The following ABCA13 variants were observed in gnomAD, a reference collection of about 807,000 sequenced individuals.
ABCA13 encodes ATP-binding cassette sub-family A member 13.
ABCA13 carries 476 observed loss-of-function variants against 478.7 expected under a neutral mutation model. That is an observed-to-expected ratio of 0.99 (90% confidence interval 0.92 to 1.07). The LOEUF (loss-of-function observed/expected upper bound fraction) is 1.07, where lower values mean the gene tolerates loss of function less well. Ranked by LOEUF, ABCA13 falls within the 50% of genes least tolerant of loss-of-function variation. ABCA13 has a pLI of 0.00. For missense variants in ABCA13, 6,060 were observed against 5,910.6 expected, an observed-to-expected ratio of 1.03 and a Z score of -0.83; for synonymous variants, 2,252 against 2,158.9, an observed-to-expected ratio of 1.04 and a Z score of -1.20.
chr7:48,644,100 G>A (rs531872087), intron 60 of ABCA13, among the ~76,000 whole-genome samples: 10 of 152,266 alleles, frequency 6.6e-5, no homozygotes, highest in Non-Finnish European at 1.2e-4. Flanking sequence ...TATGCAAGAA[G>A]CATGCTGTGT....
Position 48,279,590 on chromosome 7 carries a change from T to A in ABCA13, c.8396T>A (p.Phe2799Tyr). 1 of 1,613,234 alleles carries A rather than the reference T, an allele frequency of 6.2e-7. No homozygotes were observed. The highest frequency in any genetic ancestry group is 8.5e-7 in the Non-Finnish European group (1 of 1,179,542). ...YEGDLNKSLY[F>Y]DTPLSQNITH... Reference sequence around the variant, plus strand: ...GGTGATTTGAATAAAAGTTTATATTTTGACACACCTTTGAGTCAGAATATA... The same window carrying A: ...GGTGATTTGAATAAAAGTTTATATTATGACACACCTTTGAGTCAGAATATA... Residue 2799 changes from phenylalanine (F) to tyrosine (Y), a missense_variant, in exon 18 of 62, where the codon TTT becomes TAT. By Grantham distance (22) the Phe-to-Tyr change is conservative. Transcript: ENST00000435803.
chr7:48,567,204 G>A (rs550782832), intron 55 of ABCA13, among the ~76,000 whole-genome samples: 9 of 152,082 alleles, frequency 5.9e-5, no homozygotes, highest in Non-Finnish European at 1.2e-4. Flanking sequence ...ACTGGATGAC[G>A]GGTTGCTTTG....
At chr7:48,621,369 G>A (rs1305778341) in intron 59 of ABCA13, among the ~76,000 whole-genome samples, 2 of 152,062 alleles carry the variant, frequency 1.3e-5, no homozygotes, top group Non-Finnish European at 2.9e-5. Context: ...CACAGACTTT[G>A]TCTTTTATCA....
intron 5 of ABCA13, among the ~76,000 whole-genome samples, chr7:48,222,252 C>A (rs1425892772): frequency 6.6e-6 from 1 of 152,018 alleles, no homozygotes; most frequent in African/African-American, 2.4e-5. Context: ...CAAAATCTTA[C>A]AAATAATGAA....
chr7:48,363,652 T>C (rs1014201618), intron 31 of ABCA13, among the ~76,000 whole-genome samples: 2 of 152,148 alleles, frequency 1.3e-5, no homozygotes, highest in Admixed American at 1.3e-4. Flanking sequence ...TTGCATTTCT[T>C]GCACCTATTT....
chr7:48,409,686 C>CTCCT (rs1425658457), intron 39 of ABCA13, among the ~76,000 whole-genome samples: 1 of 152,160 alleles, frequency 6.6e-6, no homozygotes, highest in Non-Finnish European at 1.5e-5. Flanking sequence ...TTTTTTATCA[C>CTCCT]TGATTTCTGC....
At chr7:48,185,544 G>T (rs1372911806) in intron 1 of ABCA13, among the ~76,000 whole-genome samples, 1 of 152,042 alleles carries the variant, frequency 6.6e-6, no homozygotes, top group Non-Finnish European at 1.5e-5. Flanking sequence ...CATCTTTATG[G>T]TACTGAGTTT....
intron 35 of ABCA13, among the ~76,000 whole-genome samples, chr7:48,377,986 T>A (rs1201472875): frequency 6.6e-6 from 1 of 152,206 alleles, no homozygotes; most frequent in Non-Finnish European, 1.5e-5. Context: ...CCCTCAACCA[T>A]CAGCATCTAA....
At chr7:48,411,120 C>CTCCTTTCCTT (rs201048330) in intron 40 of ABCA13, among the ~76,000 whole-genome samples, 2 of 117,182 alleles carry the variant, frequency 1.7e-5, no homozygotes, top group South Asian at 2.6e-4. Context: ...TTTTCTTTCT[C>CTCCTTTCCTT]TCCTTTCCTT....
intron 59 of ABCA13, among the ~76,000 whole-genome samples, chr7:48,617,951 A>G (rs1161537633): frequency 2.0e-5 from 3 of 152,204 alleles, no homozygotes; most frequent in Non-Finnish European, 4.4e-5. Flanking sequence ...AGGAAAAAAC[A>G]AAATAGAAAG....
chr7:48,599,499 CA>C (rs1790655129), intron 58 of ABCA13, among the ~76,000 whole-genome samples: 1 of 152,006 alleles, frequency 6.6e-6, no homozygotes, highest in Non-Finnish European at 1.5e-5. Flanking sequence ...AAATGATTTG[CA>C]AATATGTATT....
intron 55 of ABCA13, among the ~76,000 whole-genome samples, chr7:48,546,202 T>TA (rs751636450): frequency 2.0e-5 from 3 of 151,874 alleles, no homozygotes; most frequent in Non-Finnish European, 2.9e-5. Context: ...GTAAATATGT[T>TA]AAAATCAAAT....
intron 59 of ABCA13, among the ~76,000 whole-genome samples, chr7:48,621,219 T>C (rs750432107): frequency 6.6e-6 from 1 of 152,172 alleles, no homozygotes; most frequent in Non-Finnish European, 1.5e-5. Context: ...TCCCTTTGCT[T>C]GTGTTTTTTT....
At chr7:48,192,070 A>T (rs1209070515) in intron 1 of ABCA13, among the ~76,000 whole-genome samples, 1 of 152,212 alleles carries the variant, frequency 6.6e-6, no homozygotes, top group African/African-American at 2.4e-5. Context: ...ATGATGTCAC[A>T]TGAATTCAAT....
rs1173845258 is a variant in ABCA13 at position 48,274,740 on chromosome 7, T to C, written c.5074T>C (p.Phe1692Leu). The C allele has an allele frequency of 6.2e-7, 1 of 1,614,004 alleles. No homozygotes were observed. Among genetic ancestry groups the C allele is most frequent in the South Asian group, 1.1e-5 (1 of 91,084 alleles). ...LEQVSVNLMD[F>L]FKNISSVGTG... ...ACAAGTTAGTGTAAACCTAATGGAT[T>C]TCTTTAAGAATATCAGTAGTGTGGG... Residue 1692 changes from phenylalanine to leucine, a missense_variant, in exon 17 of 62, where the codon TTC becomes CTC. Phe to Leu is a conservative substitution (Grantham distance 22). Around this residue, in one of 3 missense-constraint regions of ABCA13, gnomAD observed 4,423 missense variants for 4,309.1 expected, o/e 1.03. Coordinates refer to ENST00000435803, the MANE Select transcript of ABCA13 (RefSeq NM_152701.5).
chr7:48,267,581 CT>C (rs1258466278), intron 15 of ABCA13, among the ~76,000 whole-genome samples: 3 of 151,908 alleles, frequency 2.0e-5, no homozygotes, highest in Non-Finnish European at 4.4e-5. Context: ...CAAATTTTGC[CT>C]TTTTTTGAGC....
At chr7:48,464,473 G>C (rs1164164844) in intron 43 of ABCA13, among the ~76,000 whole-genome samples, 1 of 152,208 alleles carries the variant, frequency 6.6e-6, no homozygotes, top group African/African-American at 2.4e-5. Flanking sequence ...CAGTGGGGAA[G>C]ATAGTGTTTT....
intron 41 of ABCA13, among the ~76,000 whole-genome samples, chr7:48,412,843 G>A (rs1819462653): frequency 6.7e-6 from 1 of 149,642 alleles, no homozygotes; most frequent in Admixed American, 6.7e-5. Flanking sequence ...TTTTGTTTTT[G>A]AGACGTAGTG....
In ABCA13 at chr7:48,240,965, CA is replaced by C. The variant is rs747292970; in HGVS notation, c.1163del (p.Lys388SerfsTer16). 1 of 1,613,570 alleles carries C rather than the reference CA, an allele frequency of 6.2e-7. No homozygotes were observed. Among genetic ancestry groups the C allele is most frequent in the African/African-American group, 1.3e-5 (1 of 74,930 alleles). On this transcript the variant is annotated frameshift_variant, in exon 10 of 62. Transcript: ENST00000435803. LOFTEE classifies it high-confidence loss of function. ...ALRNQFEEES[K>X]PWKVVEALHT... ...TCAGGAATCAGTTTGAAGAAGAGAG[CA>C]AGCCCTGGAAGGTGGTGGAAGCTCT... is the stretch of plus-strand genomic sequence containing the variant.
Sources: allele counts gnomAD v4.1 joint callset (sites outside exome capture counted in the v4.1 genomes callset), GRCh38; gene constraint gnomAD v4.1.1; regional missense constraint gnomAD v4.1.1; transcripts MANE v1.5; gene names NCBI Gene and HGNC (gene_info 2026-07-23, HGNC 2026-07-21).